The following PDE4B variants were observed in gnomAD, a reference collection of about 807,000 sequenced individuals.
The protein encoded by PDE4B is 3',5'-cyclic-AMP phosphodiesterase 4B.
A neutral mutation model predicts 82.2 loss-of-function variants in PDE4B; 20 were observed. The ratio of observed to expected loss-of-function variants is 0.24; its 90% confidence interval spans 0.17 to 0.35. The LOEUF (loss-of-function observed/expected upper bound fraction) is 0.35, where lower values mean the gene tolerates loss of function less well. Ranked by LOEUF, PDE4B falls within the 10% of genes least tolerant of loss-of-function variation. The pLI is 1.00. For missense variants in PDE4B, 655 were observed against 907.2 expected (o/e 0.72, Z 3.57); for synonymous variants, 320 against 318.9 (o/e 1.00, Z -0.04).
chr1:65,881,090 C>T (rs1646702934), intron 1 of PDE4B, among the ~76,000 whole-genome samples: 2 of 152,170 alleles, frequency 1.3e-5, no homozygotes, highest in African/African-American at 4.8e-5. Flanking sequence ...CATTCCTTGT[C>T]AGTTTCCATA....
intron 1 of PDE4B, among the ~76,000 whole-genome samples, chr1:65,906,448 T>A (rs1647029188): frequency 6.6e-6 from 1 of 152,136 alleles, no homozygotes; most frequent in Non-Finnish European, 1.5e-5. Flanking sequence ...AAACAAAAAA[T>A]GGCTGAAATG....
chr1:65,905,180 A>G (rs1023273282), intron 1 of PDE4B, among the ~76,000 whole-genome samples: 2 of 152,224 alleles, frequency 1.3e-5, no homozygotes, highest in African/African-American at 4.8e-5. Flanking sequence ...ACAAACAAAT[A>G]TGTAATTGTG....
chr1:65,793,327 G>C (rs572200407), intron 1 of PDE4B, 79 bp downstream of exon 1: 3 of 152,570 alleles, frequency 2.0e-5, no homozygotes, highest in East Asian at 3.9e-4. Flanking sequence ...TCAATGGAGA[G>C]TGTAGGGTGC....
chr1:65,794,576 C>A (rs893435702), intron 1 of PDE4B, among the ~76,000 whole-genome samples: 3 of 152,140 alleles, frequency 2.0e-5, no homozygotes, highest in Non-Finnish European at 4.4e-5. Flanking sequence ...TCTCAGGATA[C>A]CTCATTTCTT....
At chr1:66,083,349 G>A (rs369132900) in intron 3 of PDE4B, among the ~76,000 whole-genome samples, 55 of 152,124 alleles carry the variant, frequency 3.6e-4, no homozygotes, top group African/African-American at 1.2e-3. Flanking sequence ...AGTATAGCAG[G>A]CATTCTAGTG....
At chr1:65,886,790 GGT>G (rs1436118078) in intron 1 of PDE4B, among the ~76,000 whole-genome samples, 5 of 152,148 alleles carry the variant, frequency 3.3e-5, no homozygotes, top group African/African-American at 1.2e-4. Context: ...TAGAAGCTTA[GGT>G]GGATTCCATA....
chr1:66,272,115 C>T (rs1655530523), intron 7 of PDE4B, among the ~76,000 whole-genome samples: 1 of 152,228 alleles, frequency 6.6e-6, no homozygotes, highest in Admixed American at 6.5e-5. Flanking sequence ...CCTGTGTCCT[C>T]CCAAACCCTA....
In PDE4B at chr1:66,159,942, A is replaced by G. The variant is rs76593084; in HGVS notation, c.282-87518A>G. Among the ~76,000 whole-genome samples the G allele has an allele frequency of 4.3e-3, 654 of 152,270 alleles. 6 individuals carry two copies. The highest frequency in any genetic ancestry group is 0.015 in the African/African-American group (629 of 41,546). On this transcript the variant is annotated intron_variant, in intron 3 of 16. Coordinates refer to ENST00000341517, the MANE Select transcript of PDE4B (RefSeq NM_002600.4). Reference sequence around the variant, plus strand: ...GTAGTAGACATTTATAGTTTTGTCAATCTGGAATAGCCTCCTCCCTCTTCT... The same window carrying G: ...GTAGTAGACATTTATAGTTTTGTCAGTCTGGAATAGCCTCCTCCCTCTTCT...
chr1:66,254,481 G>A (rs1016459751), intron 4 of PDE4B, among the ~76,000 whole-genome samples: 15 of 152,072 alleles, frequency 9.9e-5, no homozygotes, highest in African/African-American at 2.9e-4. Flanking sequence ...ACCTCATGGG[G>A]CCACTTCCTG....
intron 3 of PDE4B, chr1:66,152,630 GTATA>G (rs1646424196): frequency 2.9e-5 from 1 of 34,990 alleles, no homozygotes; most frequent in African/African-American, 1.2e-4. Flanking sequence ...TTATATATGT[GTATA>G]CACACACACA....
At chr1:65,999,612 C>A (rs533789061) in intron 3 of PDE4B, among the ~76,000 whole-genome samples, 1 of 152,274 alleles carries the variant, frequency 6.6e-6, no homozygotes, top group East Asian at 1.9e-4. Flanking sequence ...TCGCCTTTTA[C>A]TTCCTTGTCT....
chr1:66,245,676 A>G (rs1653257912), intron 3 of PDE4B, among the ~76,000 whole-genome samples: 1 of 152,244 alleles, frequency 6.6e-6, no homozygotes. Context: ...TTTGAAAGGC[A>G]GCCCCATCCC....
At chr1:66,203,104 T>C (rs1329716767) in intron 3 of PDE4B, among the ~76,000 whole-genome samples, 1 of 151,632 alleles carries the variant, frequency 6.6e-6, no homozygotes, top group African/African-American at 2.4e-5. Context: ...CCTTCACTTA[T>C]GAAGCTTAGT....
intron 6 of PDE4B, 102 bp downstream of exon 6, chr1:66,257,965 C>A (rs1654377438): frequency 5.1e-6 from 4 of 777,518 alleles, no homozygotes; most frequent in African/African-American, 1.7e-5. Context: ...AAATTGTCCT[C>A]TAAGCTAAGT....
chr1:65,952,885 G>A (rs901507545), intron 3 of PDE4B, among the ~76,000 whole-genome samples: 1 of 152,060 alleles, frequency 6.6e-6, no homozygotes, highest in East Asian at 1.9e-4. Flanking sequence ...CAAAACGTCT[G>A]ACTCATAGGT....
intron 3 of PDE4B, among the ~76,000 whole-genome samples, chr1:65,925,514 C>A (rs1647450677): frequency 6.6e-6 from 1 of 152,060 alleles, no homozygotes; most frequent in Admixed American, 6.5e-5. Context: ...TTCTTATGCA[C>A]CCCCCGAGCC....
intron 16 of PDE4B, 74 bp from the exon 17 acceptor site, chr1:66,372,239 A>G (rs374052394): frequency 2.4e-5 from 35 of 1,446,800 alleles, no homozygotes; most frequent in Non-Finnish European, 2.9e-5. Flanking sequence ...CTTTCTTTGC[A>G]TGGAAACCAG....
At chr1:66,266,184 C>A in intron 7 of PDE4B, 97 bp downstream of exon 7, 1 of 949,380 alleles carries the variant, frequency 1.1e-6, no homozygotes, top group Non-Finnish European at 1.7e-6. Flanking sequence ...GTGTTGTTTG[C>A]ATATTGTGGC....
In PDE4B at chr1:66,370,236, A is replaced by G. The variant is rs189255521; in HGVS notation, c.1845+1267A>G. On this transcript the variant is annotated intron_variant, in intron 16 of 16. Coordinates refer to ENST00000341517, the MANE Select transcript of PDE4B (RefSeq NM_002600.4). ...ATATACTGTAAAAATGCAAGTTAAC[A>G]TTGTTAATGAGGGTTAATTCGAATA... is the stretch of plus-strand genomic sequence containing the variant. Among the ~76,000 whole-genome samples the G allele has an allele frequency of 9.2e-5, 14 of 152,016 alleles. No individual in the cohort carries two copies. In the East Asian group the frequency reaches 2.5e-3, roughly 27 times the overall value.
Sources: gnomAD v4.1 joint callset for allele counts (sites outside exome capture counted in the v4.1 genomes callset) on GRCh38, gnomAD v4.1.1 for gene constraint, MANE v1.5 for transcripts, NCBI Gene and HGNC (gene_info 2026-07-23, HGNC 2026-07-21) for gene names.